The following ZNF514 variants were observed in gnomAD, a reference collection of about 807,000 sequenced individuals.
The protein encoded by ZNF514 is zinc finger protein 514.
Under a neutral mutation model 9.7 loss-of-function variants are expected in ZNF514, and 12 were observed. That is an observed-to-expected ratio of 1.24 (90% CI 0.79 to 2.01). The LOEUF (loss-of-function observed/expected upper bound fraction) is 2.01, where lower values mean the gene tolerates loss of function less well. Among genes scored for constraint, ZNF514 ranks in the 30% most tolerant of loss-of-function variants. The pLI, the probability that ZNF514 is intolerant of heterozygous loss-of-function variation, is 0.00. For missense variants in ZNF514, 467 were observed against 465.5 expected (o/e 1.00, Z -0.03); for synonymous variants, 158 against 163.7 (o/e 0.97, Z 0.27).
the ZNF514 span, among the ~76,000 whole-genome samples, chr2:95,136,723 G>C: frequency 2.0e-5 from 3 of 152,116 alleles, no homozygotes; most frequent in South Asian, 4.2e-4. Flanking sequence ...TGACAACCAT[G>C]GCCTAATATT....
At position 95,150,137 on chromosome 2, in the gene ZNF514, G is replaced by C. The variant is rs1450810609; in HGVS notation, c.348C>G (p.Ala116=). The C allele has an allele frequency of 1.9e-6, 3 of 1,611,276 alleles. No homozygotes were observed. The highest frequency in any genetic ancestry group is 2.5e-6 in the Non-Finnish European group (3 of 1,179,992). ...DVLQFSKLKA[A]CGCDGQLEMQ... is the part of the protein sequence containing the mutation. The stretch of plus-strand genomic sequence containing the variant: ...TCTCTAACTGGCCATCACAACCGCA[G>C]GCTGCTTTCAACTTCGAGAACTGCA... Residue 116 remains alanine, a synonymous_variant, in exon 5 of 5, where the codon GCC becomes GCG. Coordinates refer to ENST00000295208, the MANE Select transcript of ZNF514 (RefSeq NM_032788.3).
Position 95,145,803 on chromosome 2 carries a change from T to C in ZNF514, c.*3479A>G, listed in dbSNP as rs1673344980. 6.6e-6 allele frequency among the ~76,000 whole-genome samples: 1 copy of C among 152,236 alleles called. No homozygotes were observed. The highest frequency in any genetic ancestry group is 2.4e-5 in the African/African-American group (1 of 41,456). Reference sequence around the variant, plus strand: ...AATTGTCTCTTCCTCTCACGTACCTTTGCCATGTTAACCATACTCGTCAGT... The same window carrying C: ...AATTGTCTCTTCCTCTCACGTACCTCTGCCATGTTAACCATACTCGTCAGT... On this transcript the variant is annotated 3_prime_UTR_variant, in exon 5 of 5. Coordinates refer to ENST00000295208, the MANE Select transcript of ZNF514 (RefSeq NM_032788.3).
the ZNF514 span, among the ~76,000 whole-genome samples, chr2:95,125,218 A>C: frequency 1.4e-5 from 2 of 147,510 alleles, no homozygotes; most frequent in Non-Finnish European, 3.0e-5. Context: ...ATAACATAAA[A>C]ATTGCCATCC....
chr2:95,138,402 CA>C, the ZNF514 span, among the ~76,000 whole-genome samples: 1 of 152,158 alleles, frequency 6.6e-6, no homozygotes, highest in Non-Finnish European at 1.5e-5. Context: ...TCCATGCTGC[CA>C]AGGTATCAGA....
At position 95,149,992 on chromosome 2, in the gene ZNF514, C is replaced by A. The variant is rs1673489175; in HGVS notation, c.493G>T (p.Val165Phe). The A allele has an allele frequency of 6.2e-7, 1 of 1,614,050 alleles. No individual in the cohort carries two copies. Among genetic ancestry groups the A allele is most frequent in the Non-Finnish European group, 8.5e-7 (1 of 1,180,034 alleles). Residue 165 changes from valine to phenylalanine, a missense_variant, in exon 5 of 5, where the codon GTC (valine) becomes TTC (phenylalanine). Transcript: ENST00000295208. ...GFGRSLGLRSVLVNQHSILMG... is the reference protein window; with the variant it reads ...GFGRSLGLRSFLVNQHSILMG... ...AGAATGCTGTGTTGGTTAACAAGGA[C>A]TGATCTTAAACCTAAGCTTCTCCCA...
Position 95,159,289 on chromosome 2 carries a change from G to C in ZNF514, c.-145C>G. On this transcript the variant is annotated 5_prime_UTR_variant, in exon 1 of 5. Coordinates refer to ENST00000295208, the MANE Select transcript of ZNF514 (RefSeq NM_032788.3). Reference sequence around the variant, plus strand: ...CCAGGCTCTGGAACCCAGCTCCCACGTGGATCCACACGCACAGTGGGCTCA... The same window carrying C: ...CCAGGCTCTGGAACCCAGCTCCCACCTGGATCCACACGCACAGTGGGCTCA... 1.2e-5 allele frequency: 2 copies of C among 161,904 alleles called. No individual in the cohort carries two copies. The highest frequency in any genetic ancestry group is 6.3e-5 in the Admixed American group (1 of 15,764). 10.0% of individuals were successfully genotyped at this position (161,904 alleles called of 1,614,324 possible). A position where few individuals can be genotyped will look rare whatever the true frequency, so the allele number is the denominator to read the frequency against.
chr2:95,132,020 GT>G, the ZNF514 span, among the ~76,000 whole-genome samples: 1 of 151,960 alleles, frequency 6.6e-6, no homozygotes, highest in Non-Finnish European at 1.5e-5. Flanking sequence ...TCAGACACCT[GT>G]AATCCCAGCT....
the ZNF514 span, among the ~76,000 whole-genome samples, chr2:95,131,019 A>C: frequency 6.6e-6 from 1 of 152,190 alleles, no homozygotes; most frequent in Non-Finnish European, 1.5e-5. Context: ...ATGTCCATAA[A>C]ATCTTCACAA....
the ZNF514 span, among the ~76,000 whole-genome samples, chr2:95,135,754 G>A: frequency 1.3e-5 from 2 of 150,342 alleles, no homozygotes; most frequent in African/African-American, 4.9e-5. Context: ...TTTTTGAATT[G>A]TTCATCACAC....
chr2:95,157,391 TCTC>T lies in ZNF514; in HGVS notation c.-50_-48del. ...CAGGAATGAATTGGTTGTTCCCTCT[TCTC>T]CTGGGAATCTCTCTGGAGGAAGAGC... On this transcript the variant is annotated 5_prime_UTR_variant, in exon 2 of 5. Transcript: ENST00000295208. The T allele has an allele frequency of 1.6e-6, 2 of 1,289,696 alleles. No homozygotes were observed. Among genetic ancestry groups the T allele is most frequent in the Admixed American group, 2.3e-5 (1 of 43,560 alleles). The allele number at this position is 1,289,696 out of a possible 1,614,324, so 79.9% of individuals were successfully genotyped here.
At chr2:95,137,202 C>G in the ZNF514 span, among the ~76,000 whole-genome samples, 2 of 152,254 alleles carry the variant, frequency 1.3e-5, no homozygotes, top group Non-Finnish European at 2.9e-5. Context: ...CAGCCTTAAC[C>G]AAGGCTATGT....
chr2:95,142,641 C>G (rs192695326), downstream of ZNF514, among the ~76,000 whole-genome samples: 77 of 152,234 alleles, frequency 5.1e-4, 1 homozygote, highest in African/African-American at 1.7e-3. Flanking sequence ...CAAGACTTGC[C>G]TGTGTATTGA....
Position 95,159,743 on chromosome 2 carries a change from C to T in ZNF514, c.-599G>A, listed in dbSNP as rs1673811615. The T allele has an allele frequency of 7.6e-6, 1 of 130,946 alleles. No homozygotes were observed. The highest frequency in any genetic ancestry group is 1.7e-5 in the Non-Finnish European group (1 of 58,594). 8.1% of individuals were successfully genotyped at this position (130,946 alleles called of 1,614,324 possible). ...CCCGCGCCAGCCCCCGCGTCCGCCC[C>T]GCGCCAGCCCCGCCTCCCGAGGCCG... On this transcript the variant is annotated 5_prime_UTR_variant, in exon 1 of 5. Coordinates refer to ENST00000295208, the MANE Select transcript of ZNF514 (RefSeq NM_032788.3).
the ZNF514 span, among the ~76,000 whole-genome samples, chr2:95,127,574 T>C: frequency 2.6e-5 from 4 of 151,810 alleles, no homozygotes; most frequent in Admixed American, 2.0e-4. Context: ...GTTTTGTTTT[T>C]GTTTTTGTTT....
rs773289207 is a variant in ZNF514 at position 95,149,248 on chromosome 2, A to G, written c.*34T>C. 7.8e-6 allele frequency: 12 copies of G among 1,529,386 alleles called. No individual in the cohort carries two copies. The highest frequency in any genetic ancestry group is 1.1e-5 in the Non-Finnish European group (12 of 1,142,458). The allele number at this position is 1,529,386 out of a possible 1,614,324, so 94.7% of individuals were successfully genotyped here. A position where few individuals can be genotyped will look rare whatever the true frequency, so the allele number is the denominator to read the frequency against. On this transcript the variant is annotated 3_prime_UTR_variant, in exon 5 of 5. Transcript: ENST00000295208. ...TTCTTTAAGTTCCAGTGATGTCTGC[A>G]CTCCAGCTGAAAGCCCTTCTATATT...
intron 1 of ZNF514, chr2:95,158,814 A>C: frequency 7.9e-7 from 1 of 1,269,520 alleles, no homozygotes; most frequent in Non-Finnish European, 1.0e-6. Context: ...CTGGGTCTGG[A>C]AGGTTAGATG....
Position 95,150,167 on chromosome 2 carries a change from A to C in ZNF514, c.318T>G (p.Asp106Glu). Residue 106 changes from aspartate (D) to glutamate (E), a missense_variant, in exon 5 of 5, where the codon GAT (aspartate) becomes GAG (glutamate). Coordinates refer to ENST00000295208, the MANE Select transcript of ZNF514 (RefSeq NM_032788.3). ...CTTTCAACTTCGAGAACTGCAGCACATCTTGAATGTGTTTTTCCACTGATA... is the reference window on the plus strand; with the variant it reads ...CTTTCAACTTCGAGAACTGCAGCACCTCTTGAATGTGTTTTTCCACTGATA... ...QVVSVEKHIQDVLQFSKLKAA... is the reference protein window; with the variant it reads ...QVVSVEKHIQEVLQFSKLKAA... 1 of 1,610,286 alleles carries C rather than the reference A, an allele frequency of 6.2e-7. No individual in the cohort carries two copies. The highest frequency in any genetic ancestry group is 8.5e-7 in the Non-Finnish European group (1 of 1,179,972).
chr2:95,128,072 A>AC, the ZNF514 span, among the ~76,000 whole-genome samples: 2 of 151,964 alleles, frequency 1.3e-5, no homozygotes, highest in Non-Finnish European at 2.9e-5. Context: ...ACACAGTGAG[A>AC]CCCCACCTCT....
At position 95,146,847 on chromosome 2, in the gene ZNF514, C is replaced by G. The variant is rs1673372250; in HGVS notation, c.*2435G>C. On this transcript the variant is annotated 3_prime_UTR_variant, in exon 5 of 5. Transcript: ENST00000295208. ...GAGAGACGGAGCAAGAAAATATTTGCTATTTCTGCTCCTGTAAACCTTGGC... is the reference window on the plus strand; with the variant it reads ...GAGAGACGGAGCAAGAAAATATTTGGTATTTCTGCTCCTGTAAACCTTGGC... 2.0e-5 allele frequency among the ~76,000 whole-genome samples: 3 copies of G among 151,968 alleles called. No homozygotes were observed. Among genetic ancestry groups the G allele is most frequent in the Admixed American group, 2.0e-4 (3 of 15,246 alleles).
Sources: allele counts gnomAD v4.1 joint callset (sites outside exome capture counted in the v4.1 genomes callset), GRCh38; gene constraint gnomAD v4.1.1; transcripts MANE v1.5; gene names NCBI Gene and HGNC (gene_info 2026-07-23, HGNC 2026-07-21).